UBAC2: variants seen among roughly 807,000 people sequenced by gnomAD.
UBAC2 encodes the protein UBA domain containing 2, also known as ubiquitin-associated domain-containing protein 2.
UBAC2 carries 26 observed loss-of-function variants against 44.0 expected under a neutral mutation model. That is an observed-to-expected ratio of 0.59 (90% CI 0.43 to 0.82). UBAC2 has a LOEUF of 0.82. Among genes scored for constraint, UBAC2 ranks in the 40% least tolerant of loss-of-function variants. The pLI is 0.00. For synonymous variants in UBAC2, 155 were observed against 154.3 expected (o/e 1.00, Z -0.04); for missense variants, 329 against 419.4 (o/e 0.78, Z 1.88).
intron 4 of UBAC2, among the ~76,000 whole-genome samples, chr13:99,272,319 T>C (rs2043826324): frequency 6.6e-6 from 1 of 152,232 alleles, no homozygotes; most frequent in African/African-American, 2.4e-5. Flanking sequence ...AACACTGTAA[T>C]GAACCCCATG....
intron 4 of UBAC2, among the ~76,000 whole-genome samples, chr13:99,273,985 A>C (rs1056565786): frequency 6.6e-6 from 1 of 151,828 alleles, no homozygotes; most frequent in African/African-American, 2.4e-5. Context: ...ATTGAGGTAT[A>C]AATGTATATA....
chr13:99,346,262 C>T (rs938620748), intron 7 of UBAC2, among the ~76,000 whole-genome samples: 4 of 152,170 alleles, frequency 2.6e-5, no homozygotes, highest in East Asian at 1.9e-4. Flanking sequence ...TTCAGGCCAC[C>T]GGCGCCATTT....
intron 1 of UBAC2, among the ~76,000 whole-genome samples, chr13:99,209,412 C>A (rs2042913319): frequency 6.6e-6 from 1 of 152,184 alleles, no homozygotes; most frequent in African/African-American, 2.4e-5. Context: ...TATGGAGCCT[C>A]CCTTTGGTGG....
intron 4 of UBAC2, among the ~76,000 whole-genome samples, chr13:99,245,835 A>G (rs1384406907): frequency 6.6e-6 from 1 of 152,180 alleles, no homozygotes; most frequent in African/African-American, 2.4e-5. Context: ...ACTCCGCCTC[A>G]AAAAACAAAC....
intron 4 of UBAC2, chr13:99,307,221 A>C (rs1316720267): frequency 6.6e-6 from 1 of 152,210 alleles, no homozygotes; most frequent in Non-Finnish European, 1.5e-5. Context: ...TTTTGTTAGA[A>C]GTGATGGTAG....
chr13:99,313,774 T>G (rs2138764532), intron 4 of UBAC2, among the ~76,000 whole-genome samples: 1 of 152,368 alleles, frequency 6.6e-6, no homozygotes, highest in East Asian at 1.9e-4. Context: ...TGCTTTCGAT[T>G]TGTCTAGTTT....
At chr13:99,278,846 C>T (rs1389703190) in intron 4 of UBAC2, among the ~76,000 whole-genome samples, 1 of 152,092 alleles carries the variant, frequency 6.6e-6, no homozygotes, top group African/African-American at 2.4e-5. Context: ...AAATTTTAAC[C>T]TACATCACTT....
chr13:99,382,099 G>A (rs977551348), intron 8 of UBAC2, among the ~76,000 whole-genome samples: 1 of 152,136 alleles, frequency 6.6e-6, no homozygotes, highest in African/African-American at 2.4e-5. Flanking sequence ...CAGAGTTCTG[G>A]GCTCTTTGAC....
At chr13:99,210,534 A>G (rs1382238335) in intron 1 of UBAC2, among the ~76,000 whole-genome samples, 6 of 144,966 alleles carry the variant, frequency 4.1e-5, no homozygotes, top group Admixed American at 7.1e-5. Flanking sequence ...CTGGAGTGCA[A>G]TGGTGTGATC....
At chr13:99,224,076 C>G (rs2043083769) in intron 1 of UBAC2, among the ~76,000 whole-genome samples, 1 of 152,104 alleles carries the variant, frequency 6.6e-6, no homozygotes, top group Non-Finnish European at 1.5e-5. Context: ...AACAAAATAC[C>G]ACAGACTGGG....
At chr13:99,321,127 G>T (rs1346151123) in intron 6 of UBAC2, among the ~76,000 whole-genome samples, 1 of 152,050 alleles carries the variant, frequency 6.6e-6, no homozygotes, top group Admixed American at 6.6e-5. Context: ...TTTCATTCTG[G>T]CAATTAATGT....
At chr13:99,280,326 C>T (rs572208338) in intron 4 of UBAC2, among the ~76,000 whole-genome samples, 1 of 152,212 alleles carries the variant, frequency 6.6e-6, no homozygotes, top group Non-Finnish European at 1.5e-5. Context: ...CTCACTACTG[C>T]CTGTCACGCA....
intron 4 of UBAC2, among the ~76,000 whole-genome samples, chr13:99,285,858 G>A (rs180819155): frequency 2.0e-5 from 3 of 152,274 alleles, no homozygotes; most frequent in South Asian, 4.1e-4. Context: ...TATGAGCCAA[G>A]GCATATGAGA....
In UBAC2 at chr13:99,308,660, C is replaced by T. The variant is rs186590414; in HGVS notation, c.390-5437C>T. 10 of 152,232 alleles carry T rather than the reference C, an allele frequency of 6.6e-5. No individual in the cohort carries two copies. In the East Asian group the frequency reaches 1.2e-3, roughly 18 times the overall value. The allele number at this position is 152,232 out of a possible 1,614,324, so 9.4% of individuals were successfully genotyped here. ...TGCTCCAGGATTCTGTAAAAATAGT[C>T]GAGTAGCTTTTGCCTCCCACAGATG... On this transcript the variant is annotated intron_variant, in intron 4 of 8. Coordinates refer to ENST00000403766, the MANE Select transcript of UBAC2 (RefSeq NM_001144072.2).
chr13:99,255,426 G>C (rs758186651), intron 4 of UBAC2: 1 of 1,614,054 alleles, frequency 6.2e-7, no homozygotes, highest in South Asian at 1.1e-5. Flanking sequence ...TCGTGGTCAG[G>C]GTCATTATCC....
At chr13:99,257,569 A>G (rs2043586892) in intron 4 of UBAC2, among the ~76,000 whole-genome samples, 3 of 152,214 alleles carry the variant, frequency 2.0e-5, no homozygotes, top group African/African-American at 4.8e-5. Flanking sequence ...TGAGTGATGC[A>G]TGTGTTTTAA....
At chr13:99,254,792 G>T in intron 4 of UBAC2, 1 of 967,438 alleles carries the variant, frequency 1.0e-6, no homozygotes, top group Non-Finnish European at 1.5e-6. Flanking sequence ...AAAGGGACTT[G>T]ATAGTATTAT....
At chr13:99,268,700 A>G (rs772038734) in intron 4 of UBAC2, among the ~76,000 whole-genome samples, 10 of 152,010 alleles carry the variant, frequency 6.6e-5, no homozygotes, top group Non-Finnish European at 1.5e-4. Context: ...CTTAAAAATC[A>G]GCTGTAGAGG....
At chr13:99,323,460 CA>C (rs1365903491) in intron 6 of UBAC2, among the ~76,000 whole-genome samples, 1 of 152,128 alleles carries the variant, frequency 6.6e-6, no homozygotes, top group Non-Finnish European at 1.5e-5. Context: ...AACAAACAAA[CA>C]AAAATTTCAA....
Sources: gnomAD v4.1 joint callset for allele counts (sites outside exome capture counted in the v4.1 genomes callset) on GRCh38, gnomAD v4.1.1 for gene constraint, MANE v1.5 for transcripts, NCBI Gene and HGNC (gene_info 2026-07-23, HGNC 2026-07-21) for gene names.